The following TMEM132D variants were observed in gnomAD, a reference collection of about 807,000 sequenced individuals.
TMEM132D encodes mature OL transmembrane protein.
A neutral mutation model predicts 62.3 loss-of-function variants in TMEM132D; 21 were observed. The ratio of observed to expected loss-of-function variants is 0.34; its 90% CI spans 0.24 to 0.49. TMEM132D has a LOEUF of 0.49. TMEM132D is among the 20% of genes least tolerant of loss of function. The pLI is 0.99. For missense variants in TMEM132D, 1,346 were observed against 1,402.8 expected (o/e 0.96, Z 0.65); for synonymous variants, 621 against 575.6 (o/e 1.08, Z -1.13).
chr12:129,446,693 G>A (rs1451871843), intron 3 of TMEM132D, among the ~76,000 whole-genome samples: 1 of 152,202 alleles, frequency 6.6e-6, no homozygotes, highest in Non-Finnish European at 1.5e-5. Flanking sequence ...GAGGACAGGT[G>A]CTGTGTAAAA....
intron 3 of TMEM132D, among the ~76,000 whole-genome samples, chr12:129,490,307 T>A (rs1034321654): frequency 1.3e-5 from 2 of 152,162 alleles, no homozygotes; most frequent in African/African-American, 4.8e-5. Flanking sequence ...TAGATGTCTA[T>A]GTGTTTGATG....
At chr12:129,227,157 C>T (rs1249467966) in intron 4 of TMEM132D, among the ~76,000 whole-genome samples, 2 of 151,806 alleles carry the variant, frequency 1.3e-5, no homozygotes, top group Admixed American at 1.3e-4. Context: ...AACCCATCGA[C>T]CACACGTACC....
rs888036439 is a variant in TMEM132D at position 129,826,192 on chromosome 12, A to G, written c.79+77069T>C. The stretch of plus-strand genomic sequence containing the variant: ...AACTTCAAGGGCCGCACGTGTCTCC[A>G]CTGTGACCACGGGAGCAGGGGCCAG... On this transcript the variant is annotated intron_variant, in intron 1 of 8. Transcript: ENST00000422113. Among the ~76,000 whole-genome samples the G allele has an allele frequency of 5.3e-5, 8 of 152,300 alleles. 1 individual carries two copies. The Middle Eastern group carries it at 0.014, about 259-fold the overall frequency.
At chr12:129,324,832 A>T (rs1283643181) in intron 4 of TMEM132D, among the ~76,000 whole-genome samples, 2 of 152,210 alleles carry the variant, frequency 1.3e-5, no homozygotes, top group African/African-American at 4.8e-5. Context: ...CATCTCAAGA[A>T]AAAAAGAAAA....
chr12:129,886,818 T>G, intron 1 of TMEM132D, among the ~76,000 whole-genome samples: 1 of 152,142 alleles, frequency 6.6e-6, no homozygotes. Flanking sequence ...GTTACCCCCA[T>G]GCTGCTGTTC....
At chr12:129,159,945 C>T (rs1182334361) in intron 5 of TMEM132D, among the ~76,000 whole-genome samples, 2 of 152,004 alleles carry the variant, frequency 1.3e-5, no homozygotes, top group Non-Finnish European at 2.9e-5. Flanking sequence ...AGTTTCTCAT[C>T]TCTCCGTGAA....
intron 1 of TMEM132D, among the ~76,000 whole-genome samples, chr12:129,746,365 CG>C (rs1869778672): frequency 6.6e-6 from 1 of 152,010 alleles, no homozygotes; most frequent in Non-Finnish European, 1.5e-5. Flanking sequence ...GTGAGAGGAA[CG>C]GCTTGTAAGG....
At chr12:129,223,584 CTGT>C (rs1193156765) in intron 4 of TMEM132D, among the ~76,000 whole-genome samples, 12 of 152,120 alleles carry the variant, frequency 7.9e-5, no homozygotes, top group Admixed American at 7.9e-4. Flanking sequence ...ATATAAATGG[CTGT>C]TGTTGTAATA....
chr12:129,541,417 G>A (rs552598272), intron 2 of TMEM132D, among the ~76,000 whole-genome samples: 3 of 152,234 alleles, frequency 2.0e-5, no homozygotes, highest in South Asian at 2.1e-4. Context: ...CATAGGAATC[G>A]TTATGACTCC....
At chr12:129,763,364 C>CA (rs1366297736) in intron 1 of TMEM132D, among the ~76,000 whole-genome samples, 1 of 152,058 alleles carries the variant, frequency 6.6e-6, no homozygotes, top group African/African-American at 2.4e-5. Flanking sequence ...GGGCATGTGC[C>CA]ACCATGCCCG....
At chr12:129,373,789 G>A (rs753227027) in intron 3 of TMEM132D, among the ~76,000 whole-genome samples, 11 of 152,202 alleles carry the variant, frequency 7.2e-5, no homozygotes, top group African/African-American at 1.4e-4. Context: ...AAGACCACGT[G>A]CATCCTTAAA....
chr12:129,142,444 C>A (rs1025995990), intron 5 of TMEM132D, among the ~76,000 whole-genome samples: 1 of 152,106 alleles, frequency 6.6e-6, no homozygotes, highest in Non-Finnish European at 1.5e-5. Flanking sequence ...GCTTTATATC[C>A]TTTATATCCT....
intron 4 of TMEM132D, among the ~76,000 whole-genome samples, chr12:129,294,872 C>G (rs1387922905): frequency 6.6e-6 from 1 of 152,170 alleles, no homozygotes; most frequent in Non-Finnish European, 1.5e-5. Context: ...ACTGTTTTCT[C>G]CAGTTTGGTG....
intron 4 of TMEM132D, among the ~76,000 whole-genome samples, chr12:129,264,748 A>AATT (rs2135597236): frequency 1.3e-5 from 2 of 152,336 alleles, no homozygotes; most frequent in South Asian, 4.1e-4. Context: ...AAAAGGAACG[A>AATT]ATTAACAGCA....
intron 5 of TMEM132D, among the ~76,000 whole-genome samples, chr12:129,196,434 T>C (rs570844743): frequency 1.3e-5 from 2 of 152,314 alleles, no homozygotes; most frequent in Non-Finnish European, 1.5e-5. Flanking sequence ...CAAAATCCTT[T>C]ATATAAATTC....
At chr12:129,760,606 T>A (rs7976903) in intron 1 of TMEM132D, among the ~76,000 whole-genome samples, 1 of 151,168 alleles carries the variant, frequency 6.6e-6, no homozygotes, top group African/African-American at 2.4e-5. Context: ...TCAAGCCTCC[T>A]GAAGTACTGG....
chr12:129,647,156 C>T (rs1429210085), intron 2 of TMEM132D, among the ~76,000 whole-genome samples: 2 of 149,468 alleles, frequency 1.3e-5, no homozygotes. Context: ...ACAAACAAAA[C>T]AGTATTATTT....
chr12:129,640,884 C>A (rs1017243192), intron 2 of TMEM132D, among the ~76,000 whole-genome samples: 2 of 152,048 alleles, frequency 1.3e-5, no homozygotes, highest in Non-Finnish European at 2.9e-5. Context: ...GAGTGCCAAC[C>A]CTACTGTGAA....
chr12:129,597,938 A>T (rs1878381483), intron 2 of TMEM132D, among the ~76,000 whole-genome samples: 1 of 152,184 alleles, frequency 6.6e-6, no homozygotes, highest in Non-Finnish European at 1.5e-5. Context: ...AGTTTAAAAA[A>T]AACACCATTT....
Sources: allele counts gnomAD v4.1 joint callset (sites outside exome capture counted in the v4.1 genomes callset), GRCh38; gene constraint gnomAD v4.1.1; transcripts MANE v1.5; gene names NCBI Gene and HGNC (gene_info 2026-07-23, HGNC 2026-07-21).